Variants in GRID2 observed in about 807,000 individuals in gnomAD.
GRID2 encodes glutamate receptor ionotropic, delta-2.
Under a neutral mutation model 114.8 loss-of-function variants are expected in GRID2, and 33 were observed. The observed-to-expected ratio is 0.29, with a 90% CI of 0.22 to 0.38. The LOEUF (loss-of-function observed/expected upper bound fraction) is 0.38. Among genes scored for constraint, GRID2 ranks in the 10% least tolerant of loss-of-function variants. GRID2 has a pLI of 1.00. For missense variants in GRID2, 1,184 were observed against 1,257.7 expected (o/e 0.94, Z 0.89); for synonymous variants, 505 against 449.9 (o/e 1.12, Z -1.55).
At chr4:92,481,342 C>T (rs12647297) in intron 1 of GRID2, among the ~76,000 whole-genome samples, 24,974 of 152,076 alleles carry the variant, frequency 0.16, 2,502 homozygotes, top group Middle Eastern at 0.25. Flanking sequence ...GAGGTAATTA[C>T]TCCAGGATAA....
intron 13 of GRID2, among the ~76,000 whole-genome samples, chr4:93,564,989 T>C (rs148593394): frequency 6.6e-6 from 1 of 152,044 alleles, no homozygotes; most frequent in Non-Finnish European, 1.5e-5. Flanking sequence ...TAAATGCATT[T>C]TACAAAAAGA....
chr4:93,592,540 T>A (rs1360253739), intron 13 of GRID2, among the ~76,000 whole-genome samples: 16 of 152,122 alleles, frequency 1.1e-4, no homozygotes, highest in Admixed American at 1.0e-3. Flanking sequence ...TCTGTTGATT[T>A]GGGGTGGAGA....
At chr4:92,613,790 T>A (rs534174818) in intron 2 of GRID2, among the ~76,000 whole-genome samples, 2 of 151,616 alleles carry the variant, frequency 1.3e-5, no homozygotes, top group African/African-American at 4.8e-5. Context: ...AGCAAATGAA[T>A]CAACTTTTGA....
rs543453438 is a variant in GRID2, at chr4:92,871,337, G to A, written c.245-213658G>A. Among the ~76,000 whole-genome samples the A allele has an allele frequency of 3.3e-5, 5 of 151,310 alleles. No homozygotes were observed. The South Asian group carries it at 1.0e-3, about 31-fold the overall frequency. ...CTTTTTTTTTCTGTTAATGTAACAA[G>A]TTAAAAGGTTAAGTAAATCTTTAGG... On this transcript the variant is annotated intron_variant, in intron 2 of 15. Coordinates refer to ENST00000282020, the MANE Select transcript of GRID2 (RefSeq NM_001510.4).
chr4:93,393,388 G>C (rs1765037090), intron 8 of GRID2, among the ~76,000 whole-genome samples: 1 of 151,856 alleles, frequency 6.6e-6, no homozygotes, highest in African/African-American at 2.4e-5. Flanking sequence ...AAAAGTCTTT[G>C]TCAAGCAGAG....
At chr4:93,312,515 C>A (rs778141148) in intron 8 of GRID2, among the ~76,000 whole-genome samples, 32 of 152,098 alleles carry the variant, frequency 2.1e-4, no homozygotes, top group Non-Finnish European at 5.9e-5. Flanking sequence ...AGAAAAACAT[C>A]AATTGTTTGA....
At position 93,110,911 on chromosome 4, in the gene GRID2, C is replaced by G. The variant is rs745793210; in HGVS notation, c.693C>G (p.Ile231Met). 6.2e-7 allele frequency: 1 copy of G among 1,612,900 alleles called. No homozygotes were observed. Among genetic ancestry groups the G allele is most frequent in the Non-Finnish European group, 8.5e-7 (1 of 1,178,922 alleles). ...ATCGAGACACTCTTAGGCGAGCGAT[C>G]CTTGTTATGAATCCTGCTACAGCCA... ...NRYRDTLRRA[I>M]LVMNPATAKS... The change falls in exon 4 of 16, where the codon ATC (isoleucine) becomes ATG (methionine). Residue 231 changes from isoleucine (I) to methionine (M), a missense_variant. Physicochemically the swap from Ile to Met is conservative, Grantham distance 10. This residue lies in a region of GRID2 where 455 missense variants were observed against 429.5 expected (regional missense o/e 1.06). Coordinates refer to ENST00000282020, the MANE Select transcript of GRID2 (RefSeq NM_001510.4).
intron 14 of GRID2, among the ~76,000 whole-genome samples, chr4:93,683,204 C>T (rs1246901838): frequency 1.3e-5 from 2 of 151,948 alleles, no homozygotes. Flanking sequence ...ACCATTTCCA[C>T]CTATAGGCCT....
intron 1 of GRID2, among the ~76,000 whole-genome samples, chr4:92,467,623 CA>C (rs1721820583): frequency 6.6e-6 from 1 of 151,866 alleles, no homozygotes; most frequent in Admixed American, 6.6e-5. Context: ...GCATCTAGAA[CA>C]GGGGTAGGGG....
chr4:92,610,056 C>G (rs908909931), intron 2 of GRID2, among the ~76,000 whole-genome samples: 9 of 151,548 alleles, frequency 5.9e-5, no homozygotes, highest in African/African-American at 9.7e-5. Context: ...GGTTTATGGT[C>G]CCCCAAATAA....
chr4:93,278,026 G>A (rs1487190945), intron 8 of GRID2, among the ~76,000 whole-genome samples: 3 of 151,908 alleles, frequency 2.0e-5, no homozygotes, highest in Non-Finnish European at 4.4e-5. Flanking sequence ...GTATGGAGGT[G>A]AAAATGTGAT....
chr4:93,321,876 T>C (rs956172143), intron 8 of GRID2, among the ~76,000 whole-genome samples: 1 of 151,900 alleles, frequency 6.6e-6, no homozygotes, highest in Non-Finnish European at 1.5e-5. Context: ...TAATTCCAAT[T>C]AAAGCGTTGT....
intron 3 of GRID2, among the ~76,000 whole-genome samples, chr4:93,093,429 C>T (rs916251494): frequency 4.6e-5 from 7 of 151,876 alleles, no homozygotes; most frequent in Admixed American, 2.6e-4. Flanking sequence ...TCCAACATAG[C>T]GATAGGGATC....
intron 1 of GRID2, among the ~76,000 whole-genome samples, chr4:92,389,134 C>G (rs1730124721): frequency 6.6e-6 from 1 of 151,938 alleles, no homozygotes; most frequent in South Asian, 2.1e-4. Context: ...GGAAGAAACT[C>G]ATAGCCAAGC....
chr4:93,502,851 G>A (rs1728259348), intron 12 of GRID2, among the ~76,000 whole-genome samples: 1 of 151,878 alleles, frequency 6.6e-6, no homozygotes, highest in Non-Finnish European at 1.5e-5. Flanking sequence ...GGTGAGGAAG[G>A]CGAGGAATAA....
intron 1 of GRID2, among the ~76,000 whole-genome samples, chr4:92,486,984 A>G (rs1722929343): frequency 6.6e-6 from 1 of 151,988 alleles, no homozygotes; most frequent in Admixed American, 6.6e-5. Flanking sequence ...ACATATTGAT[A>G]TACATTTGTT....
chr4:93,125,260 C>A (rs1254412169), intron 4 of GRID2, among the ~76,000 whole-genome samples: 3 of 151,710 alleles, frequency 2.0e-5, no homozygotes, highest in African/African-American at 7.3e-5. Context: ...TATAAATGTA[C>A]CCATGTCTAT....
chr4:93,694,653 T>A (rs1578589711), intron 14 of GRID2, among the ~76,000 whole-genome samples: 1 of 152,206 alleles, frequency 6.6e-6, no homozygotes, highest in Non-Finnish European at 1.5e-5. Context: ...CATGGTTGTA[T>A]TATGGAATCA....
At position 92,645,264 on chromosome 4, in the gene GRID2, T is replaced by C. The variant is rs187508234; in HGVS notation, c.244+54978T>C. ...TTTTTCCTTGGAATGTGTTTGTTAC[T>C]GAAACTGAATAGTTTGTTTTTGTAG... is the stretch of plus-strand genomic sequence containing the variant. On this transcript the variant is annotated intron_variant, in intron 2 of 15. Transcript: ENST00000282020. Among the ~76,000 whole-genome samples, 189 of 151,918 alleles carry C rather than the reference T, an allele frequency of 1.2e-3. 2 individuals are homozygous for C. The highest frequency in any genetic ancestry group is 0.011 in the Admixed American group (172 of 15,184).
Sources: gnomAD v4.1 joint callset for allele counts (sites outside exome capture counted in the v4.1 genomes callset) on GRCh38, gnomAD v4.1.1 for gene constraint, gnomAD v4.1.1 regional missense constraint, MANE v1.5 for transcripts, NCBI Gene and HGNC (gene_info 2026-07-23, HGNC 2026-07-21) for gene names.